Variants in ZNF565 observed in about 807,000 individuals in gnomAD.
The protein encoded by ZNF565 is zinc finger protein 565.
Under a neutral mutation model 39.4 loss-of-function variants are expected in ZNF565, and 27 were observed. The observed-to-expected ratio is 0.69, with a 90% confidence interval of 0.51 to 0.95. The LOEUF (loss-of-function observed/expected upper bound fraction) is 0.95, where lower values mean the gene tolerates loss of function less well. ZNF565 is among the 40% of genes least tolerant of loss of function. The pLI is 0.00. For synonymous variants in ZNF565, 185 were observed against 216.6 expected (o/e 0.85, Z 1.28); for missense variants, 524 against 621.1 (o/e 0.84, Z 1.66).
At chr19:36,221,626 G>T (rs1006306556) in intron 1 of ZNF565, among the ~76,000 whole-genome samples, 7 of 152,062 alleles carry the variant, frequency 4.6e-5, no homozygotes, top group African/African-American at 1.7e-4. Flanking sequence ...GATTACTATT[G>T]AAGTAAGTAA....
At chr19:36,194,528 C>T in intron 3 of ZNF565, 200 bp from the exon 4 acceptor site, 1 of 514,100 alleles carries the variant, frequency 1.9e-6, no homozygotes, top group East Asian at 3.1e-5. Context: ...GAAATTCAGT[C>T]AGAAACTTGT....
At chr19:36,241,042 T>G (rs1977790655) in intron 1 of ZNF565, among the ~76,000 whole-genome samples, 1 of 152,224 alleles carries the variant, frequency 6.6e-6, no homozygotes, top group African/African-American at 2.4e-5. Flanking sequence ...CTTCCCAGCC[T>G]CCAGAACTGT....
At chr19:36,243,259 C>T (rs1977828645) in intron 1 of ZNF565, among the ~76,000 whole-genome samples, 1 of 152,122 alleles carries the variant, frequency 6.6e-6, no homozygotes, top group Non-Finnish European at 1.5e-5. Context: ...GTCTCAAATT[C>T]CTGACTTCAG....
chr19:36,243,517 C>T (rs10164381), intron 1 of ZNF565, among the ~76,000 whole-genome samples: 4 of 152,218 alleles, frequency 2.6e-5, no homozygotes, highest in African/African-American at 9.6e-5. Context: ...GAGTTAAAAA[C>T]GAGAAGAATG....
intron 1 of ZNF565, among the ~76,000 whole-genome samples, chr19:36,209,023 G>C (rs1162933996): frequency 1.3e-5 from 2 of 151,860 alleles, no homozygotes; most frequent in Non-Finnish European, 2.9e-5. Context: ...GTAGAGATGG[G>C]GTTTCGTCAT....
chr19:36,239,910 C>T (rs1020996511), intron 1 of ZNF565, among the ~76,000 whole-genome samples: 2 of 152,164 alleles, frequency 1.3e-5, no homozygotes, highest in Non-Finnish European at 1.5e-5. Context: ...CAATAATATA[C>T]AGCATTTGAG....
intron 1 of ZNF565, among the ~76,000 whole-genome samples, chr19:36,224,961 A>G (rs1157805209): frequency 6.9e-6 from 1 of 145,846 alleles, no homozygotes; most frequent in Non-Finnish European, 1.5e-5. Flanking sequence ...ACATACTAAT[A>G]TTATTCCCTG....
intron 1 of ZNF565, among the ~76,000 whole-genome samples, chr19:36,205,477 G>A (rs1353400847): frequency 5.3e-5 from 8 of 151,758 alleles, no homozygotes; most frequent in African/African-American, 1.2e-4. Flanking sequence ...GCGGTGAGCC[G>A]AGATGGCACC....
intron 1 of ZNF565, among the ~76,000 whole-genome samples, chr19:36,212,521 C>G (rs1270727801): frequency 2.3e-4 from 35 of 151,816 alleles, no homozygotes; most frequent in Admixed American, 2.2e-3. Context: ...TCTCAGGAGG[C>G]TGACGCAGGA....
In ZNF565 at chr19:36,183,606, T is replaced by C; in HGVS notation, c.360A>G (p.Glu120=). ...CTTGTCTCTCAAACTGGCCTTCGCA[T>C]TCCCAGTCAGCTCTAAAATCGGAGC... The part of the protein sequence containing the change: ...LEGSDFRADW[E]CEGQFERQVN... The change falls in exon 5 of 5, where the codon GAA becomes GAG. Residue 120 remains glutamate, a synonymous_variant. Transcript: ENST00000304116. 2 of 1,614,208 alleles carry C rather than the reference T, an allele frequency of 1.2e-6. No homozygotes were observed. Among genetic ancestry groups the C allele is most frequent in the South Asian group, 1.1e-5 (1 of 91,084 alleles).
chr19:36,194,714 G>A (rs550668444), intron 3 of ZNF565: 15 of 495,934 alleles, frequency 3.0e-5, no homozygotes, highest in Non-Finnish European at 4.8e-5. Context: ...ACAGCTCACC[G>A]TAAGGACTGC....
At chr19:36,237,542 A>T (rs1208762225) in intron 1 of ZNF565, 1 of 400,604 alleles carries the variant, frequency 2.5e-6, no homozygotes, top group Non-Finnish European at 4.4e-6. Context: ...ATAATGGTGA[A>T]AGTTTAGGCA....
upstream of ZNF565, among the ~76,000 whole-genome samples, chr19:36,218,525 G>A (rs1160067477): frequency 1.3e-5 from 2 of 151,656 alleles, no homozygotes; most frequent in African/African-American, 2.4e-5. Context: ...CAGTGCAGTG[G>A]CCTGATCTCG....
chr19:36,210,496 T>C (rs2145364056), intron 1 of ZNF565, among the ~76,000 whole-genome samples: 1 of 151,548 alleles, frequency 6.6e-6, no homozygotes, highest in East Asian at 1.9e-4. Context: ...GCACTGAAAT[T>C]GGAGATACTA....
intron 1 of ZNF565, among the ~76,000 whole-genome samples, chr19:36,234,773 C>T (rs995190681): frequency 1.3e-5 from 2 of 152,242 alleles, no homozygotes; most frequent in East Asian, 3.9e-4. Context: ...CTCTGATTTC[C>T]GTATAGCAGC....
At chr19:36,192,043 C>T (rs1261395653) in intron 4 of ZNF565, among the ~76,000 whole-genome samples, 1 of 144,482 alleles carries the variant, frequency 6.9e-6, no homozygotes, top group Non-Finnish European at 1.5e-5. Context: ...GGCTGGAGTG[C>T]AGTGGCGTGA....
rs149180561 is a variant in ZNF565 at position 36,193,132 on chromosome 19, A to T, written c.232+1101T>A. Among the ~76,000 whole-genome samples the T allele has an allele frequency of 6.3e-3, 962 of 151,858 alleles. 10 individuals are homozygous for T. Among genetic ancestry groups the T allele is most frequent in the African/African-American group, 0.018 (735 of 41,420 alleles). ...TGCCTCAGCCTCCTGAGTAGCTGGG[A>T]CTATAGGCGTCTGCCACCGCACCCA... On this transcript the variant is annotated intron_variant, in intron 4 of 4. Transcript: ENST00000304116.
In ZNF565 at chr19:36,241,484, T is replaced by TA. The variant is rs34534450; in HGVS notation, c.55+3991dup. ...GGGTGACAAGAGCAAGACTCTGTAT[T>TA]AAAAAAAAAAAAAAAAAAAGTGTTG... On this transcript the variant is annotated intron_variant, in intron 1 of 4. Transcript: ENST00000355114. Among the ~76,000 whole-genome samples the TA allele has an allele frequency of 3.3e-3, 363 of 109,444 alleles. 2 individuals carry two copies. The highest frequency in any genetic ancestry group is 7.7e-3 in the East Asian group (28 of 3,660). The allele number at this position is 109,444 out of a possible 152,430, so 71.8% of individuals were successfully genotyped here. A position where few individuals can be genotyped will look rare whatever the true frequency, so the allele number is the denominator to read the frequency against.
At position 36,234,686 on chromosome 19, in the gene ZNF565, T is replaced by C. The variant is rs1056543055; in HGVS notation, c.55+10790A>G. ...TGCTGGGATTACAGGCGTGAGCCAC[T>C]GCGCCCGGCCAGCCAGCATCTTTTG... On this transcript the variant is annotated intron_variant, in intron 1 of 4. Coordinates refer to the ZNF565 transcript ENST00000355114. Among the ~76,000 whole-genome samples the C allele has an allele frequency of 5.3e-5, 8 of 152,286 alleles. No individual in the cohort carries two copies. In the South Asian group the frequency reaches 1.0e-3, roughly 20 times the overall value.
Sources: gnomAD v4.1 joint callset for allele counts (sites outside exome capture counted in the v4.1 genomes callset) on GRCh38, gnomAD v4.1.1 for gene constraint, MANE v1.5 for transcripts, NCBI Gene and HGNC (gene_info 2026-07-23, HGNC 2026-07-21) for gene names.